ZNF808: variants seen among roughly 807,000 people sequenced by gnomAD.
The protein encoded by ZNF808 is zinc finger protein 808.
A neutral mutation model predicts 8.7 loss-of-function variants in ZNF808; 5 were observed. The ratio of observed to expected loss-of-function variants is 0.58; its 90% CI spans 0.30 to 1.21. The LOEUF (loss-of-function observed/expected upper bound fraction) is 1.21, where lower values mean the gene tolerates loss of function less well. ZNF808 is among the 50% of genes most tolerant of loss of function. The probability of loss-of-function intolerance (pLI) is 0.07; values close to 1 mark genes in which losing one functional copy is unlikely to be tolerated. For synonymous variants in ZNF808, 380 were observed against 366.0 expected (o/e 1.04, Z -0.44); for missense variants, 1,103 against 1,098.4 (o/e 1.00, Z -0.06).
chr19:52,566,730 A>G (rs1257204917), downstream of ZNF808, among the ~76,000 whole-genome samples: 2 of 152,104 alleles, frequency 1.3e-5, no homozygotes, highest in East Asian at 3.9e-4. Flanking sequence ...TAGGGTGACA[A>G]AGTTCAAGTC....
At position 52,553,162 on chromosome 19, in the gene ZNF808, A is replaced by G. The variant is rs2059794467; in HGVS notation, c.246A>G (p.Arg82=). Reference sequence around the variant, plus strand: ...TCTTGTCAACAGGGCAAGGCAATAGAGAAGTGATCCACACAGGGACATTGC... The same window carrying G: ...TCTTGTCAACAGGGCAAGGCAATAGGGAAGTGATCCACACAGGGACATTGC... The part of the protein sequence containing the change: ...KEVLSTGQGN[R]EVIHTGTLQR... Residue 82 remains arginine (R), a synonymous_variant, in exon 5 of 5, where the codon AGA becomes AGG. Coordinates refer to ENST00000359798, the MANE Select transcript of ZNF808 (RefSeq NM_001039886.4). The G allele has an allele frequency of 2.5e-6, 4 of 1,602,828 alleles. No individual in the cohort carries two copies. The highest frequency in any genetic ancestry group is 3.4e-6 in the Non-Finnish European group (4 of 1,175,972).
In ZNF808 at chr19:52,554,182, T is replaced by C. The variant is rs530522637; in HGVS notation, c.1266T>C (p.Thr422=). The change falls in exon 5 of 5, where the codon ACT becomes ACC. Residue 422 remains threonine, a synonymous_variant. Coordinates refer to ENST00000359798, the MANE Select transcript of ZNF808 (RefSeq NM_001039886.4). ...SSLARHHILH[T]GEKPYKCEEC... ...TTGCACGTCATCATATACTTCATAC[T>C]GGAGAGAAACCTTACAAATGTGAAG... 6.2e-7 allele frequency: 1 copy of C among 1,614,170 alleles called. No individual in the cohort carries two copies. Among genetic ancestry groups the C allele is most frequent in the African/African-American group, 1.3e-5 (1 of 75,042 alleles).
intron 4 of ZNF808, among the ~76,000 whole-genome samples, chr19:52,551,564 TAG>T (rs113744096): frequency 9.2e-5 from 14 of 152,312 alleles, no homozygotes; most frequent in African/African-American, 3.4e-4. Flanking sequence ...GGAAGTTGTT[TAG>T]AATTCTGCGG....
intron 1 of ZNF808, among the ~76,000 whole-genome samples, chr19:52,532,327 G>T (rs896142566): frequency 6.6e-6 from 1 of 151,972 alleles, no homozygotes; most frequent in African/African-American, 2.4e-5. Flanking sequence ...CCAGGTTCAA[G>T]TGATTCTTGT....
chr19:52,562,359 C>A (rs2059860721), intron 3 of ZNF808, among the ~76,000 whole-genome samples: 1 of 151,662 alleles, frequency 6.6e-6, no homozygotes. Flanking sequence ...GCCTGGGCAA[C>A]AAGAGAAAAA....
At chr19:52,560,839 CCTTTTCCTGGCCTTG>C (rs1281731235), downstream of ZNF808, among the ~76,000 whole-genome samples, 1 of 152,188 alleles carries the variant, frequency 6.6e-6, no homozygotes, top group Non-Finnish European at 1.5e-5. Context: ...CCCTTGCCCT[CCTTTTCCTGGCCTTG>C]CTTCACATGG....
downstream of ZNF808, among the ~76,000 whole-genome samples, chr19:52,564,704 AAC>A (rs1359263528): frequency 6.6e-6 from 1 of 152,170 alleles, no homozygotes; most frequent in Non-Finnish European, 1.5e-5. Flanking sequence ...CTGTAATCCC[AAC>A]ACTCTGAGAG....
Position 52,554,685 on chromosome 19 carries a change from C to CTGGAT in ZNF808, c.1773_1774insTTGGA (p.Glu592LeufsTer115), listed in dbSNP as rs763504692. 6.2e-7 allele frequency: 1 copy of CTGGAT among 1,613,854 alleles called. No homozygotes were observed. The highest frequency in any genetic ancestry group is 8.5e-7 in the Non-Finnish European group (1 of 1,179,934). On this transcript the variant is annotated frameshift_variant, in exon 5 of 5. Coordinates refer to ENST00000359798, the MANE Select transcript of ZNF808 (RefSeq NM_001039886.4). LOFTEE classifies it low-confidence loss of function (END_TRUNC). ...CTTTCACGTCATCGTAGACTTCATA[C>CTGGAT]TGGAGAGAAACCTTACAAATGTGAA... is the stretch of plus-strand genomic sequence containing the variant.
intron 2 of ZNF808, among the ~76,000 whole-genome samples, chr19:52,540,218 G>C (rs948512929): frequency 2.8e-4 from 43 of 152,040 alleles, no homozygotes; most frequent in African/African-American, 1.0e-3. Context: ...CTCCATATTG[G>C]CCAGGCTGGT....
At chr19:52,544,571 T>G (rs559368056) in intron 3 of ZNF808, among the ~76,000 whole-genome samples, 41 of 152,288 alleles carry the variant, frequency 2.7e-4, no homozygotes, top group African/African-American at 8.7e-4. Context: ...CCTCATGATC[T>G]GCCTATCTCG....
Position 52,555,018 on chromosome 19 carries a change from A to C in ZNF808, c.2102A>C (p.His701Pro). 1 of 1,614,040 alleles carries C rather than the reference A, an allele frequency of 6.2e-7. No homozygotes were observed. Among genetic ancestry groups the C allele is most frequent in the Non-Finnish European group, 8.5e-7 (1 of 1,180,002 alleles). Reference sequence around the variant, plus strand: ...TATGTGGCAAAACATACTAGAATTCACAGTGGAATGAAACCTTACAAGTGT... The same window carrying C: ...TATGTGGCAAAACATACTAGAATTCCCAGTGGAATGAAACCTTACAAGTGT... ...RSYVAKHTRI[H>P]SGMKPYKCNE... The change falls in exon 5 of 5, where the codon CAC (histidine) becomes CCC (proline). Residue 701 changes from histidine to proline, a missense_variant. Physicochemically the swap from His to Pro is moderately conservative, Grantham distance 77. Transcript: ENST00000359798.
downstream of ZNF808, among the ~76,000 whole-genome samples, chr19:52,567,648 C>T (rs755443900): frequency 5.9e-5 from 9 of 151,516 alleles, no homozygotes; most frequent in South Asian, 2.1e-4. Flanking sequence ...CCTCAGCCTC[C>T]GGAGTAGCTG....
At position 52,536,018 on chromosome 19, in the gene ZNF808, C is replaced by A. The variant is rs574226045; in HGVS notation, c.-20+3009C>A. On this transcript the variant is annotated intron_variant, in intron 2 of 4. Coordinates refer to ENST00000359798, the MANE Select transcript of ZNF808 (RefSeq NM_001039886.4). ...TGGGCGCGCAAACCCCGAGGCGGAT[C>A]GCGTGGAGTGAAGGTCGTACCGCGG... 1,389 of 165,998 alleles carry A rather than the reference C, an allele frequency of 8.4e-3. 14 individuals are homozygous for A. The highest frequency in any genetic ancestry group is 0.013 in the Non-Finnish European group (958 of 76,468). 10.3% of individuals were successfully genotyped at this position (165,998 alleles called of 1,614,324 possible).
chr19:52,547,740 T>C, intron 4 of ZNF808, 102 bp downstream of exon 4: 6 of 830,862 alleles, frequency 7.2e-6, no homozygotes, highest in Non-Finnish European at 9.4e-6. Context: ...TCCATGCTGG[T>C]TTTTTTTTTT....
At chr19:52,568,323 G>A (rs964576275), downstream of ZNF808, among the ~76,000 whole-genome samples, 10 of 152,200 alleles carry the variant, frequency 6.6e-5, no homozygotes, top group South Asian at 6.2e-4. Flanking sequence ...GTAGTGAGCC[G>A]AGATCACATC....
intron 2 of ZNF808, among the ~76,000 whole-genome samples, chr19:52,536,940 A>C (rs1438209021): frequency 6.6e-6 from 1 of 152,156 alleles, no homozygotes; most frequent in Non-Finnish European, 1.5e-5. Context: ...TAATCCCAGC[A>C]GTTTGGGAAG....
intron 1 of ZNF808, among the ~76,000 whole-genome samples, chr19:52,528,799 G>A (rs548920922): frequency 7.2e-5 from 11 of 152,124 alleles, no homozygotes; most frequent in Non-Finnish European, 1.3e-4. Context: ...AACAGGGAGA[G>A]CAGAGGAGGC....
intron 1 of ZNF808, among the ~76,000 whole-genome samples, chr19:52,528,646 G>A (rs1421834804): frequency 6.6e-6 from 1 of 152,108 alleles, no homozygotes; most frequent in African/African-American, 2.4e-5. Context: ...GGGAGAGAGG[G>A]AGGGATTTGG....
Position 52,554,130 on chromosome 19 carries a change from G to T in ZNF808, c.1214G>T (p.Gly405Val). The T allele has an allele frequency of 1.2e-6, 2 of 1,614,128 alleles. No homozygotes were observed. The highest frequency in any genetic ancestry group is 1.7e-6 in the Non-Finnish European group (2 of 1,180,018). Residue 405 changes from glycine to valine, a missense_variant, in exon 5 of 5, where the codon GGT becomes GTT. By Grantham distance (109) the Gly-to-Val change is moderately radical. Transcript: ENST00000359798. ...GEKTYKCNEC[G>V]KAFNHQSSLA... ...AAAACATACAAGTGTAATGAGTGTG[G>T]TAAGGCTTTTAATCATCAATCAAGC...
Sources: gnomAD v4.1 joint callset for allele counts (sites outside exome capture counted in the v4.1 genomes callset) on GRCh38, gnomAD v4.1.1 for gene constraint, MANE v1.5 for transcripts, NCBI Gene and HGNC (gene_info 2026-07-23, HGNC 2026-07-21) for gene names.